NDP: variants seen among roughly 807,000 people sequenced by gnomAD.
The protein encoded by NDP is norrin cystine knot growth factor NDP.
In NDP, 2 loss-of-function variants were observed where a neutral mutation model predicts 8.4. The ratio of observed to expected loss-of-function variants is 0.24; its 90% CI spans 0.10 to 0.75. NDP has a LOEUF of 0.75. NDP is among the 30% of genes least tolerant of loss of function. The pLI, the probability that NDP is intolerant of heterozygous loss-of-function variation, is 0.73. For synonymous variants in NDP, 55 were observed against 45.6 expected (o/e 1.21, Z -0.83); for missense variants, 81 against 110.1 (o/e 0.74, Z 1.18).
intron 2 of NDP, chrX:43,953,209 A>AAG (rs2147206296): frequency 9.0e-6 from 1 of 110,579 alleles, no homozygotes; most frequent in African/African-American, 3.3e-5. Context: ...GGTAAAGCAG[A>AAG]AGTTTGAAAG....
chrX:43,949,651 T>C lies in NDP; in HGVS notation c.*148A>G. 1 of 531,723 alleles carries C rather than the reference T, an allele frequency of 1.9e-6. No individual in the cohort carries two copies. The highest frequency in any genetic ancestry group is 2.7e-5 in the Admixed American group (1 of 36,860). 43.8% of individuals were successfully genotyped at this position (531,723 alleles called of 1,213,427 possible). A position where few individuals can be genotyped will look rare whatever the true frequency, so the allele number is the denominator to read the frequency against. ...GAGTATCTCTCTCTGTCAACAAGCATGTAGAGTCTTTATTACTAGAATATG... is the reference window on the plus strand; with the variant it reads ...GAGTATCTCTCTCTGTCAACAAGCACGTAGAGTCTTTATTACTAGAATATG... On this transcript the variant is annotated 3_prime_UTR_variant, in exon 3 of 3. Transcript: ENST00000642620.
chrX:43,958,837 A>C lies in NDP; in HGVS notation c.-192T>G. The C allele has an allele frequency of 2.2e-6, 1 of 457,641 alleles. No individual in the cohort carries two copies. Among genetic ancestry groups the C allele is most frequent in the Non-Finnish European group, 3.9e-6 (1 of 258,330 alleles). The allele number at this position is 457,641 out of a possible 1,213,427, so 37.7% of individuals were successfully genotyped here. On this transcript the variant is annotated 5_prime_UTR_variant, in exon 2 of 3. Transcript: ENST00000642620. ...CTTTGCACTTGCAATCCATCATCAC[A>C]GTATCTGCTGCACAGCTGGAATGAA...
At chrX:43,950,076 G>T in intron 2 of NDP, 50 bp from the exon 3 acceptor site, 1 of 1,081,488 alleles carries the variant, frequency 9.2e-7, no homozygotes, top group Non-Finnish European at 1.3e-6. Flanking sequence ...CACAACCTTA[G>T]CCAGGTAAAA....
At chrX:43,957,265 A>G (rs1232632947) in intron 2 of NDP, among the ~76,000 whole-genome samples, 2 of 111,262 alleles carry the variant, frequency 1.8e-5, no homozygotes, top group African/African-American at 6.5e-5. Context: ...GTTTTTTCTC[A>G]ATTTGTTTTA....
chrX:43,962,770 C>G (rs906792270), intron 1 of NDP, among the ~76,000 whole-genome samples: 1 of 111,673 alleles, frequency 9.0e-6, no homozygotes, highest in Non-Finnish European at 1.9e-5. Flanking sequence ...TCTAATAGCT[C>G]CAATGTGGAG....
intron 1 of NDP, among the ~76,000 whole-genome samples, chrX:43,968,731 A>G (rs2035873035): frequency 2.7e-5 from 3 of 112,416 alleles, no homozygotes; most frequent in African/African-American, 9.7e-5. Context: ...GCGTCTTTAA[A>G]TAGATCCTCT....
intron 1 of NDP, among the ~76,000 whole-genome samples, chrX:43,967,001 C>T (rs935937144): frequency 9.0e-6 from 1 of 111,399 alleles, no homozygotes; most frequent in Non-Finnish European, 1.9e-5. Flanking sequence ...CGTTGCAATC[C>T]GGAATGCTCC....
chrX:43,967,018 C>T (rs1474498531), intron 1 of NDP, among the ~76,000 whole-genome samples: 1 of 111,542 alleles, frequency 9.0e-6, no homozygotes, highest in East Asian at 2.8e-4. Flanking sequence ...CTCCTAGACT[C>T]AGACATATGT....
rs2035751126 is a variant in NDP, at chrX:43,949,958, G to A, written c.243C>T (p.Phe81=). The A allele has an allele frequency of 8.3e-7, 1 of 1,207,075 alleles. No homozygotes were observed. The highest frequency in any genetic ancestry group is 2.2e-5 in the Admixed American group (1 of 45,541). The stretch of plus-strand genomic sequence containing the variant: ...GGAAGGGTTGCTTGAGGACAGTGCT[G>A]AACGACACCAAAGGCTCGGAGCGTG... ...QASRSEPLVS[F]STVLKQPFRS... The change falls in exon 3 of 3, where the codon TTC becomes TTT. Residue 81 remains phenylalanine, a synonymous_variant. Transcript: ENST00000642620.
At chrX:43,950,148 C>G in intron 2 of NDP, 122 bp from the exon 3 acceptor site, 2 of 594,029 alleles carry the variant, frequency 3.4e-6, no homozygotes, top group Non-Finnish European at 5.5e-6. Context: ...ACCAGTGGCT[C>G]AATGCATGTT....
intron 1 of NDP, among the ~76,000 whole-genome samples, chrX:43,967,666 C>G (rs1293419514): frequency 2.7e-5 from 3 of 111,645 alleles, no homozygotes; most frequent in Non-Finnish European, 3.8e-5. Flanking sequence ...TTTGTTACTT[C>G]TCCCCTGACC....
chrX:43,963,869 C>A (rs964715634), intron 1 of NDP, among the ~76,000 whole-genome samples: 1 of 112,797 alleles, frequency 8.9e-6, no homozygotes, highest in African/African-American at 3.2e-5. Context: ...ATATTCCTAG[C>A]TGGCAGCACA....
Position 43,958,634 on chromosome X carries a change from A to G in NDP, c.12T>C (p.His4=). Reference sequence around the variant, plus strand: ...GCATAGAAAAGGATGCAGCTAGTACATGTTTTCTCATTGTTGTAAGGAAAA... The same window carrying G: ...GCATAGAAAAGGATGCAGCTAGTACGTGTTTTCTCATTGTTGTAAGGAAAA... MRK[H]VLAASFSMLS... The change falls in exon 2 of 3, where the codon CAT becomes CAC. Residue 4 remains histidine (H), a synonymous_variant. Coordinates refer to ENST00000642620, the MANE Select transcript of NDP (RefSeq NM_000266.4). 1.7e-6 allele frequency: 2 copies of G among 1,210,039 alleles called. No homozygotes were observed. The highest frequency in any genetic ancestry group is 2.2e-6 in the Non-Finnish European group (2 of 894,158).
intron 1 of NDP, among the ~76,000 whole-genome samples, chrX:43,964,579 C>T (rs760352046): frequency 5.4e-5 from 6 of 111,093 alleles, no homozygotes; most frequent in Non-Finnish European, 7.5e-5. Context: ...TCCCACTTAC[C>T]TACAGCTTTC....
chrX:43,966,412 A>G (rs781298317), intron 1 of NDP: 1 of 111,936 alleles, frequency 8.9e-6, no homozygotes, highest in Non-Finnish European at 1.9e-5. Flanking sequence ...TTTTTCAAAT[A>G]GCACAATTTC....
chrX:43,959,168 G>A (rs895425508), intron 1 of NDP, among the ~76,000 whole-genome samples: 6 of 111,840 alleles, frequency 5.4e-5, no homozygotes, highest in African/African-American at 1.6e-4. Flanking sequence ...TGGCAACAAC[G>A]TAACCGAATT....
At chrX:43,950,161 A>ATT in intron 2 of NDP, 135 bp from the exon 3 acceptor site, 1 of 549,221 alleles carries the variant, frequency 1.8e-6, no homozygotes, top group Admixed American at 2.7e-5. Flanking sequence ...TGCATGTTGC[A>ATT]TTTTTTTTAA....
intron 1 of NDP, chrX:43,969,569 C>T (rs2147214589): frequency 8.9e-6 from 1 of 112,871 alleles, no homozygotes; most frequent in South Asian, 3.7e-4. Context: ...GTCACTCCAG[C>T]CCCGCTCTCG....
Position 43,949,898 on chromosome X carries a change from G to C in NDP, c.303C>G (p.Ser101=). 8.3e-7 allele frequency: 1 copy of C among 1,200,774 alleles called. No individual in the cohort carries two copies. Among genetic ancestry groups the C allele is most frequent in the Non-Finnish European group, 1.1e-6 (1 of 890,135 alleles). Residue 101 remains serine (S), a synonymous_variant, in exon 3 of 3, where the codon TCC becomes TCG. Transcript: ENST00000642620. ...ATCGCAGCCGCAGTGCCTTCAGCTT[G>C]GAAGTCTGGGGCCGGCAGCAGTGAC... is the stretch of plus-strand genomic sequence containing the variant. The part of the protein sequence containing the change: ...SSCHCCRPQT[S]KLKALRLRCS...
Sources: gnomAD v4.1 joint callset for allele counts (sites outside exome capture counted in the v4.1 genomes callset) on GRCh38, gnomAD v4.1.1 for gene constraint, MANE v1.5 for transcripts, NCBI Gene and HGNC (gene_info 2026-07-23, HGNC 2026-07-21) for gene names.